Variants in PRKD1 observed in about 807,000 individuals in gnomAD.
The protein encoded by PRKD1 is protein kinase D1.
In PRKD1, 63 loss-of-function variants were observed where a neutral mutation model predicts 95.9. That is an observed-to-expected ratio of 0.66 (90% CI 0.54 to 0.81). PRKD1 has a LOEUF of 0.81. Ranked by LOEUF, PRKD1 falls within the 30% of genes least tolerant of loss-of-function variation. The pLI is 0.00. For synonymous variants in PRKD1, 425 were observed against 423.1 expected, an observed-to-expected ratio of 1.00 and a Z score of -0.05; for missense variants, 1,048 against 1,165.3, an observed-to-expected ratio of 0.90 and a Z score of 1.47.
At chr14:29,699,760 C>A (rs1285378075) in intron 2 of PRKD1, among the ~76,000 whole-genome samples, 4 of 152,150 alleles carry the variant, frequency 2.6e-5, no homozygotes, top group Non-Finnish European at 5.9e-5. Context: ...ATTGTTCCAA[C>A]CCCACCTATG....
intron 2 of PRKD1, among the ~76,000 whole-genome samples, chr14:29,700,988 G>GCGCACACACACACACA (rs140824053): frequency 2.2e-5 from 2 of 90,598 alleles, no homozygotes; most frequent in African/African-American, 8.6e-5. Flanking sequence ...GCGCGCGCGC[G>GCGCACACACACACACA]CACACACACA....
At chr14:29,787,590 T>A (rs533327616) in intron 1 of PRKD1, among the ~76,000 whole-genome samples, 29 of 152,250 alleles carry the variant, frequency 1.9e-4, no homozygotes, top group African/African-American at 6.7e-4. Context: ...TGGCTTTCTT[T>A]ATCTCTTTTT....
chr14:29,799,931 T>G (rs543023834), intron 1 of PRKD1, among the ~76,000 whole-genome samples: 2 of 152,280 alleles, frequency 1.3e-5, no homozygotes, highest in South Asian at 2.1e-4. Context: ...ATTTTGTGCT[T>G]CTTCTTGGTG....
chr14:29,646,093 T>A (rs1298988775), intron 4 of PRKD1, among the ~76,000 whole-genome samples: 2 of 152,130 alleles, frequency 1.3e-5, no homozygotes, highest in Admixed American at 6.5e-5. Context: ...ATATGAAAGT[T>A]CAAAGGAAAG....
chr14:29,806,696 G>T (rs1264031283), intron 1 of PRKD1, among the ~76,000 whole-genome samples: 2 of 152,106 alleles, frequency 1.3e-5, no homozygotes, highest in Non-Finnish European at 2.9e-5. Flanking sequence ...TTAAAGAAAA[G>T]AAAAAGCTTA....
At chr14:29,581,571 T>C (rs1304876455) in intron 16 of PRKD1, among the ~76,000 whole-genome samples, 2 of 152,184 alleles carry the variant, frequency 1.3e-5, no homozygotes, top group Non-Finnish European at 2.9e-5. Flanking sequence ...GCCTGTGCTC[T>C]TAAACACTAT....
At chr14:29,824,107 T>C (rs2139275708) in intron 1 of PRKD1, among the ~76,000 whole-genome samples, 2 of 152,282 alleles carry the variant, frequency 1.3e-5, no homozygotes, top group East Asian at 3.9e-4. Flanking sequence ...AAGTGAGTTA[T>C]CAGCTACGAT....
chr14:29,859,129 G>T (rs1318600625), intron 1 of PRKD1, among the ~76,000 whole-genome samples: 1 of 152,170 alleles, frequency 6.6e-6, no homozygotes, highest in East Asian at 1.9e-4. Flanking sequence ...CTCAAAATCA[G>T]TTAGGCCATC....
chr14:29,822,093 A>G (rs2139271779), intron 1 of PRKD1, among the ~76,000 whole-genome samples: 1 of 152,284 alleles, frequency 6.6e-6, no homozygotes, highest in East Asian at 1.9e-4. Flanking sequence ...TTTAAATTTT[A>G]TGATTAATGC....
chr14:29,905,745 G>A (rs1471323584), intron 1 of PRKD1, among the ~76,000 whole-genome samples: 1 of 152,196 alleles, frequency 6.6e-6, no homozygotes, highest in Non-Finnish European at 1.5e-5. Context: ...ACCCACTTCA[G>A]GCTTACAGCA....
At chr14:29,614,876 T>C (rs1025099314) in intron 13 of PRKD1, among the ~76,000 whole-genome samples, 1 of 135,736 alleles carries the variant, frequency 7.4e-6, no homozygotes, top group Non-Finnish European at 1.6e-5. Flanking sequence ...TTTTTTTTTT[T>C]TTTTTTTGTA....
Position 29,699,013 on chromosome 14 carries a change from C to T in PRKD1, c.403+26523G>A, listed in dbSNP as rs533278334. 9.2e-5 allele frequency among the ~76,000 whole-genome samples: 14 copies of T among 152,248 alleles called. No homozygotes were observed. In the South Asian group the frequency reaches 2.7e-3, roughly 29 times the overall value. ...CTTAATGCCATGAATATTGCCATGT[C>T]AATCACTACAGATTTCCTTCAGCCT... is the stretch of plus-strand genomic sequence containing the variant. On this transcript the variant is annotated intron_variant, in intron 2 of 17. Coordinates refer to ENST00000331968, the MANE Select transcript of PRKD1 (RefSeq NM_002742.3).
rs191503514 is a variant in PRKD1, at chr14:29,697,369, C to T, written c.403+28167G>A. ...CTCAGAGAGCAAATAACAGCATTAGCACAACTCCTAACGTTTCTATAGCAT... is the reference window on the plus strand; with the variant it reads ...CTCAGAGAGCAAATAACAGCATTAGTACAACTCCTAACGTTTCTATAGCAT... On this transcript the variant is annotated intron_variant, in intron 2 of 17. Coordinates refer to ENST00000331968, the MANE Select transcript of PRKD1 (RefSeq NM_002742.3). Among the ~76,000 whole-genome samples the T allele has an allele frequency of 1.6e-3, 249 of 152,250 alleles. 5 individuals are homozygous for T. The highest frequency in any genetic ancestry group is 0.015 in the Admixed American group (225 of 15,284).
At chr14:29,827,637 C>G (rs970307508) in intron 1 of PRKD1, among the ~76,000 whole-genome samples, 1 of 152,142 alleles carries the variant, frequency 6.6e-6, no homozygotes, top group African/African-American at 2.4e-5. Context: ...AAAAAGACTC[C>G]ATGGTGATTC....
intron 1 of PRKD1, among the ~76,000 whole-genome samples, chr14:29,831,096 G>GCTAA (rs1891391358): frequency 1.3e-5 from 2 of 152,278 alleles, no homozygotes; most frequent in South Asian, 4.1e-4. Context: ...TACATCAGTA[G>GCTAA]CTAACATTTA....
Position 29,922,324 on chromosome 14 carries a change from A to T in PRKD1, c.264+4925T>A, listed in dbSNP as rs145761292. Among the ~76,000 whole-genome samples the T allele has an allele frequency of 9.3e-3, 1,410 of 151,382 alleles. 11 individuals carry two copies. Among genetic ancestry groups the T allele is most frequent in the African/African-American group, 0.012 (486 of 41,302 alleles). Reference sequence around the variant, plus strand: ...TCAAAAAAAAAAAAAAAGAAAAAGTAAAGAAAAAAAGAAAAATGTAAAGCA... The same window carrying T: ...TCAAAAAAAAAAAAAAAGAAAAAGTTAAGAAAAAAAGAAAAATGTAAAGCA... On this transcript the variant is annotated intron_variant, in intron 1 of 17. Coordinates refer to ENST00000331968, the MANE Select transcript of PRKD1 (RefSeq NM_002742.3).
At chr14:29,743,757 A>G (rs958537956) in intron 1 of PRKD1, among the ~76,000 whole-genome samples, 2 of 152,168 alleles carry the variant, frequency 1.3e-5, no homozygotes, top group African/African-American at 4.8e-5. Flanking sequence ...CTCTCTTTAA[A>G]CTGCCAATCA....
rs1160394693 is a variant in PRKD1 at position 29,826,762 on chromosome 14, T to C, written c.264+100487A>G. On this transcript the variant is annotated intron_variant, in intron 1 of 17. Coordinates refer to ENST00000331968, the MANE Select transcript of PRKD1 (RefSeq NM_002742.3). ...ATATATACACATATATATATACATA[T>C]ATATATACACATATATATACATATA... Among the ~76,000 whole-genome samples, 28 of 48,814 alleles carry C rather than the reference T, an allele frequency of 5.7e-4. 3 individuals carry two copies. The South Asian group carries it at 0.019, about 34-fold the overall frequency. 32.0% of individuals were successfully genotyped at this position (48,814 alleles called of 152,430 possible). A position where few individuals can be genotyped will look rare whatever the true frequency, so the allele number is the denominator to read the frequency against.
At chr14:29,692,210 A>AT (rs71108493) in intron 2 of PRKD1, among the ~76,000 whole-genome samples, 53,505 of 148,452 alleles carry the variant, frequency 0.36, 9,693 homozygotes, top group South Asian at 0.46. Context: ...CTTCCTGTTC[A>AT]TTTTTTTTTT....
Sources: allele counts gnomAD v4.1 joint callset (sites outside exome capture counted in the v4.1 genomes callset), GRCh38; gene constraint gnomAD v4.1.1; transcripts MANE v1.5; gene names NCBI Gene and HGNC (gene_info 2026-07-23, HGNC 2026-07-21).